LMF1: variants seen among roughly 807,000 people sequenced by gnomAD.
The protein encoded by LMF1 is transmembrane protein 112.
Under a neutral mutation model 60.6 loss-of-function variants are expected in LMF1, and 68 were observed. The ratio of observed to expected loss-of-function variants is 1.12; its 90% CI spans 0.92 to 1.37. The LOEUF (loss-of-function observed/expected upper bound fraction) is 1.37, where lower values mean the gene tolerates loss of function less well. Ranked by LOEUF, LMF1 falls within the 40% of genes most tolerant of loss-of-function variation. LMF1 has a pLI of 0.00. For synonymous variants in LMF1, 418 were observed against 324.7 expected (o/e 1.29, Z -3.09); for missense variants, 948 against 767.2 (o/e 1.24, Z -2.78).
intron 2 of LMF1, among the ~76,000 whole-genome samples, chr16:942,261 A>C (rs992158441): frequency 1.3e-5 from 2 of 152,244 alleles, no homozygotes; most frequent in African/African-American, 4.8e-5. Flanking sequence ...TGGTTATAAG[A>C]AGCCAGACAT....
upstream of LMF1, chr16:975,661 G>C: frequency 1.3e-5 from 5 of 383,862 alleles, no homozygotes; most frequent in South Asian, 9.9e-5. Context: ...GAGGAAGCAC[G>C]CTCCCTGCTC....
At chr16:894,653 G>A (rs532599431) in intron 4 of LMF1, among the ~76,000 whole-genome samples, 1 of 152,362 alleles carries the variant, frequency 6.6e-6, no homozygotes, top group Admixed American at 6.5e-5. Context: ...GGAGGCGATG[G>A]CTGTGGTGGG....
At chr16:866,485 T>C (rs1268501356) in intron 10 of LMF1, among the ~76,000 whole-genome samples, 4 of 152,128 alleles carry the variant, frequency 2.6e-5, no homozygotes, top group Non-Finnish European at 5.9e-5. Context: ...GGAGGAGCCC[T>C]TCAGTACTGC....
intron 3 of LMF1, among the ~76,000 whole-genome samples, chr16:911,996 C>T (rs981175099): frequency 2.0e-5 from 3 of 152,140 alleles, no homozygotes; most frequent in Non-Finnish European, 2.9e-5. Context: ...GTGAGGCCAC[C>T]GTGAATGTGG....
At chr16:932,301 G>C (rs2071811818) in intron 3 of LMF1, among the ~76,000 whole-genome samples, 1 of 152,202 alleles carries the variant, frequency 6.6e-6, no homozygotes, top group South Asian at 2.1e-4. Context: ...GCTGAGACAC[G>C]GCAGCACCGT....
Position 863,206 on chromosome 16 carries a change from C to G in LMF1, c.1529+5738G>C, listed in dbSNP as rs560493780. On this transcript the variant is annotated intron_variant, in intron 10 of 10. Transcript: ENST00000262301. ...TTCGAGACAGAATCTTGTGGTGTCG[C>G]CCAGGCTGGAGTGCAGTGCTGCAGT... 7.9e-4 allele frequency among the ~76,000 whole-genome samples: 121 copies of G among 152,306 alleles called. 1 individual carries two copies. The highest frequency in any genetic ancestry group is 2.6e-3 in the African/African-American group (107 of 41,568).
intron 1 of LMF1, among the ~76,000 whole-genome samples, chr16:958,955 G>A (rs1221708617): frequency 6.6e-6 from 1 of 152,106 alleles, no homozygotes; most frequent in Non-Finnish European, 1.5e-5. Context: ...CAGAAGGTTC[G>A]GGACAGCAGG....
chr16:980,191 C>G (rs1361451929), intron 1 of LMF1: 1 of 194,000 alleles, frequency 5.2e-6, no homozygotes, highest in East Asian at 1.5e-4. Context: ...AGCCTGGAGG[C>G]CAATGCTTCC....
At chr16:920,057 C>G (rs2071392137) in intron 3 of LMF1, among the ~76,000 whole-genome samples, 1 of 151,820 alleles carries the variant, frequency 6.6e-6, no homozygotes, top group African/African-American at 2.4e-5. Flanking sequence ...GGCTTAGCCC[C>G]CAACACGACA....
At chr16:888,294 C>T (rs148525761) in intron 5 of LMF1, among the ~76,000 whole-genome samples, 34 of 152,304 alleles carry the variant, frequency 2.2e-4, no homozygotes, top group South Asian at 8.3e-4. Context: ...GTGGAAGGAG[C>T]GCCGTGGGAC....
intron 1 of LMF1, among the ~76,000 whole-genome samples, chr16:969,356 AAG>A (rs144966079): frequency 5.3e-5 from 8 of 152,084 alleles, no homozygotes; most frequent in Non-Finnish European, 1.0e-4. Context: ...GCTTTAAAGA[AAG>A]AGAGAGAGAG....
intron 3 of LMF1, among the ~76,000 whole-genome samples, chr16:932,402 G>A (rs377493679): frequency 9.9e-5 from 15 of 152,184 alleles, no homozygotes; most frequent in East Asian, 5.8e-4. Flanking sequence ...CAGCCCCCGC[G>A]GTGCTGACCC....
intron 3 of LMF1, chr16:931,813 A>G (rs1318935553): frequency 3.9e-6 from 5 of 1,278,130 alleles, no homozygotes; most frequent in Non-Finnish European, 5.1e-6. Context: ...CAGACACAAC[A>G]TGAAACTCAG....
intron 10 of LMF1, among the ~76,000 whole-genome samples, chr16:861,277 G>A (rs755917122): frequency 2.0e-5 from 3 of 151,260 alleles, no homozygotes; most frequent in Admixed American, 6.6e-5. Context: ...CATTGCTAGC[G>A]TACAGGAATA....
chr16:875,514 A>C (rs916888243), intron 6 of LMF1, among the ~76,000 whole-genome samples: 17 of 151,924 alleles, frequency 1.1e-4, no homozygotes, highest in Non-Finnish European at 1.5e-4. Flanking sequence ...TACTTAAGTA[A>C]CTCAGCACCT....
intron 1 of LMF1, among the ~76,000 whole-genome samples, chr16:957,303 C>T (rs12600326): frequency 0.012 from 1,833 of 152,278 alleles, 24 homozygotes; most frequent in South Asian, 0.096. Flanking sequence ...TGTAACTGTG[C>T]ATGCTGGTTT....
intron 5 of LMF1, among the ~76,000 whole-genome samples, chr16:889,171 A>G (rs769444815): frequency 9.8e-5 from 15 of 152,316 alleles, no homozygotes; most frequent in Middle Eastern, 3.4e-3. Context: ...GGAAAGCCAC[A>G]GGCTTGTTGT....
chr16:972,619 G>A (rs1368557590), upstream of LMF1, among the ~76,000 whole-genome samples: 1 of 152,222 alleles, frequency 6.6e-6, no homozygotes, highest in Non-Finnish European at 1.5e-5. Context: ...CGGACGGCGA[G>A]AGGGACTGCC....
At chr16:866,839 C>T (rs2069622309) in intron 10 of LMF1, among the ~76,000 whole-genome samples, 1 of 152,166 alleles carries the variant, frequency 6.6e-6, no homozygotes, top group African/African-American at 2.4e-5. Context: ...TTCCAGTTTC[C>T]TCACCCCCAA....
Sources: gnomAD v4.1 joint callset for allele counts (sites outside exome capture counted in the v4.1 genomes callset) on GRCh38, gnomAD v4.1.1 for gene constraint, MANE v1.5 for transcripts, NCBI Gene and HGNC (gene_info 2026-07-23, HGNC 2026-07-21) for gene names.